SHANK2: variants seen among roughly 807,000 people sequenced by gnomAD.
SHANK2 encodes the protein SH3 and multiple ankyrin repeat domains 2.
In SHANK2, 43 loss-of-function variants were observed where a neutral mutation model predicts 133.7. The observed-to-expected ratio is 0.32, with a 90% CI of 0.25 to 0.41. The LOEUF (loss-of-function observed/expected upper bound fraction) is 0.41. Ranked by LOEUF, SHANK2 falls within the 10% of genes least tolerant of loss-of-function variation. The probability of loss-of-function intolerance (pLI) is 1.00; values close to 1 mark genes in which losing one functional copy is unlikely to be tolerated. For synonymous variants in SHANK2, 1,017 were observed against 952.8 expected (o/e 1.07, Z -1.24); for missense variants, 1,994 against 2,235.8 (o/e 0.89, Z 2.18).
chr11:70,575,602 G>A (rs2060106633), intron 17 of SHANK2, among the ~76,000 whole-genome samples: 1 of 151,344 alleles, frequency 6.6e-6, no homozygotes, highest in African/African-American at 2.4e-5. Context: ...GGAGACACCA[G>A]GCTTTTCTTT....
At chr11:70,568,645 T>TCCCCCCCCC (rs1565137385) in intron 17 of SHANK2, among the ~76,000 whole-genome samples, 4 of 48,372 alleles carry the variant, frequency 8.3e-5, no homozygotes, top group Admixed American at 1.9e-4. Flanking sequence ...AGCGGATTCC[T>TCCCCCCCCC]GCCCCCCCCG....
intron 10 of SHANK2, among the ~76,000 whole-genome samples, chr11:70,940,307 C>T (rs1006259400): frequency 1.4e-4 from 19 of 131,482 alleles, no homozygotes; most frequent in South Asian, 5.6e-4. Flanking sequence ...AGTGCAGTGG[C>T]GCGATCTCGG....
Position 70,820,370 on chromosome 11 carries a change from T to A in SHANK2, c.1487A>T (p.His496Leu), listed in dbSNP as rs1555055508. 1.6e-6 allele frequency: 1 copy of A among 637,066 alleles called. No individual in the cohort carries two copies. Among genetic ancestry groups the A allele is most frequent in the Non-Finnish European group, 2.9e-6 (1 of 340,632 alleles). The allele number at this position is 637,066 out of a possible 1,614,324, so 39.5% of individuals were successfully genotyped here. A position where few individuals can be genotyped will look rare whatever the true frequency, so the allele number is the denominator to read the frequency against. The change falls in exon 12 of 26, where the codon CAT (histidine) becomes CTT (leucine). Residue 496 changes from histidine (H) to leucine (L), a missense_variant. By Grantham distance (99) the His-to-Leu change is moderately conservative. Around this residue, in one of 5 missense-constraint regions of SHANK2, gnomAD observed 653 missense variants for 563.4 expected, o/e 1.16. Coordinates refer to ENST00000601538, the MANE Select transcript of SHANK2 (RefSeq NM_012309.5). ...EDGKRPQPLW[H>L]VGSPFALGAN... ...GGCGTCTGCCACTCCTTACCCGACA[T>A]GCCAGAGAGGCTGCGGCCTCTTGCC...
chr11:70,812,830 A>G (rs996205960), intron 12 of SHANK2, among the ~76,000 whole-genome samples: 1 of 152,184 alleles, frequency 6.6e-6, no homozygotes, highest in African/African-American at 2.4e-5. Context: ...GGCCAAGAAC[A>G]GCCAGGAGGG....
chr11:70,702,325 C>CAATCACCATCAT (rs782518589), intron 14 of SHANK2, among the ~76,000 whole-genome samples: 1 of 139,480 alleles, frequency 7.2e-6, no homozygotes, highest in African/African-American at 2.8e-5. Flanking sequence ...ACCATCATCA[C>CAATCACCATCAT]CATCATCATC....
intron 3 of SHANK2, among the ~76,000 whole-genome samples, chr11:71,145,782 GT>G (rs1565477604): frequency 1.5e-5 from 2 of 137,436 alleles, no homozygotes; most frequent in Admixed American, 7.3e-5. Flanking sequence ...CTTCCCCATC[GT>G]GGCTGGGGCC....
At position 70,928,195 on chromosome 11, in the gene SHANK2, T is replaced by C. The variant is rs1369898285; in HGVS notation, c.1108-31628A>G. ...CCTGAAACCCAGAGGGAAAAGGGCA[T>C]TGTCGCCGATACCTGTTCCCGTCGA... is the stretch of plus-strand genomic sequence containing the variant. On this transcript the variant is annotated intron_variant, in intron 10 of 25. Transcript: ENST00000601538. 2.6e-5 allele frequency among the ~76,000 whole-genome samples: 4 copies of C among 152,132 alleles called. No homozygotes were observed. In the East Asian group the frequency reaches 5.8e-4, roughly 22 times the overall value.
chr11:71,153,057 A>G (rs11232300), intron 2 of SHANK2, among the ~76,000 whole-genome samples: 44,044 of 152,104 alleles, frequency 0.29, 7,431 homozygotes, highest in African/African-American at 0.45. Context: ...GCAGAACTGG[A>G]TGCGCTGCGT....
chr11:70,652,912 C>G (rs545571385), intron 17 of SHANK2, among the ~76,000 whole-genome samples: 18 of 152,266 alleles, frequency 1.2e-4, no homozygotes, highest in African/African-American at 4.3e-4. Flanking sequence ...TTTATCAACA[C>G]GAATACTGGG....
chr11:70,725,107 A>G (rs913972625), intron 14 of SHANK2, among the ~76,000 whole-genome samples: 6 of 152,284 alleles, frequency 3.9e-5, no homozygotes, highest in East Asian at 1.9e-4. Flanking sequence ...TTTGGGGGGG[A>G]AAACACTTAA....
At chr11:71,087,642 G>C (rs1322982481) in intron 8 of SHANK2, among the ~76,000 whole-genome samples, 1 of 152,098 alleles carries the variant, frequency 6.6e-6, no homozygotes, top group East Asian at 1.9e-4. Context: ...TGTTGTTGTT[G>C]TTGTTGTTGT....
chr11:71,099,052 AC>A (rs1951675006), intron 6 of SHANK2, among the ~76,000 whole-genome samples: 1 of 152,126 alleles, frequency 6.6e-6, no homozygotes, highest in African/African-American at 2.4e-5. Flanking sequence ...TCCTCCTCAC[AC>A]CCACAGCCCC....
At chr11:70,874,997 T>C (rs1949534338) in intron 11 of SHANK2, among the ~76,000 whole-genome samples, 1 of 152,204 alleles carries the variant, frequency 6.6e-6, no homozygotes, top group African/African-American at 2.4e-5. Flanking sequence ...TTAATGTTCA[T>C]ACAGAATATG....
In SHANK2 at chr11:70,486,200, G is replaced by A. The variant is rs1402134912; in HGVS notation, c.4093C>T (p.Pro1365Ser). The A allele has an allele frequency of 5.0e-6, 8 of 1,613,586 alleles. No homozygotes were observed. The Admixed American group carries it at 1.2e-4, about 24-fold the overall frequency. Residue 1365 changes from proline to serine, a missense_variant, in exon 25 of 26, where the codon CCC (proline) becomes TCC (serine). Transcript: ENST00000601538. The surrounding 1 kb of genome is among the most constrained non-coding windows in gnomAD (Gnocchi z 8.0). The stretch of plus-strand genomic sequence containing the variant: ...CTGCCGGGCACGGTGGTGGGCTCGG[G>A]GGCAGCGGAGATCTGTAAAGCACCT... ...TEGALQISAAPEPTTVPGRTI... is the reference protein window; with the variant it reads ...TEGALQISAASEPTTVPGRTI...
chr11:70,594,242 C>T (rs140026972), intron 17 of SHANK2, among the ~76,000 whole-genome samples: 16 of 152,274 alleles, frequency 1.1e-4, no homozygotes, highest in East Asian at 7.7e-4. Context: ...CATGCCGGGG[C>T]GTGGGGGATG....
intron 2 of SHANK2, among the ~76,000 whole-genome samples, chr11:71,209,073 A>G (rs1954194979): frequency 6.6e-6 from 1 of 152,182 alleles, no homozygotes; most frequent in Non-Finnish European, 1.5e-5. Flanking sequence ...CTCTGAGTCT[A>G]AGCCACTGTG....
chr11:71,183,212 G>A (rs1221506187), intron 2 of SHANK2, among the ~76,000 whole-genome samples: 1 of 152,202 alleles, frequency 6.6e-6, no homozygotes, highest in Non-Finnish European at 1.5e-5. Context: ...CCTGGATCAG[G>A]TAGCAAATGT....
At chr11:71,148,330 C>T (rs568349954) in intron 2 of SHANK2, among the ~76,000 whole-genome samples, 6 of 152,312 alleles carry the variant, frequency 3.9e-5, no homozygotes, top group East Asian at 3.9e-4. Context: ...GTGATCCACC[C>T]GCCTTGGCCT....
chr11:71,204,893 T>A (rs537648382), intron 2 of SHANK2, among the ~76,000 whole-genome samples: 98 of 152,208 alleles, frequency 6.4e-4, no homozygotes, highest in African/African-American at 2.2e-3. Flanking sequence ...AAGGGACGCC[T>A]GGTCCCAGGT....
Sources: gnomAD v4.1 joint callset for allele counts (sites outside exome capture counted in the v4.1 genomes callset) on GRCh38, gnomAD v4.1.1 for gene constraint, gnomAD v4.1.1 regional missense constraint, Gnocchi (gnomAD v3.1) non-coding constraint, MANE v1.5 for transcripts, NCBI Gene and HGNC (gene_info 2026-07-23, HGNC 2026-07-21) for gene names.